The following IFFO1 variants were observed in gnomAD, a reference collection of about 807,000 sequenced individuals.
IFFO1 encodes intermediate filament family orphan 1.
In IFFO1, 42 loss-of-function variants were observed where a neutral mutation model predicts 59.6. The ratio of observed to expected loss-of-function variants is 0.70; its 90% CI spans 0.55 to 0.91. The LOEUF (loss-of-function observed/expected upper bound fraction) is 0.91, where lower values mean the gene tolerates loss of function less well. Among genes scored for constraint, IFFO1 ranks in the 40% least tolerant of loss-of-function variants. IFFO1 has a pLI of 0.00. For missense variants in IFFO1, 711 were observed against 793.2 expected, an observed-to-expected ratio of 0.90 and a Z score of 1.24; for synonymous variants, 336 against 342.8, an observed-to-expected ratio of 0.98 and a Z score of 0.22.
At chr12:6,552,601 G>A (rs967176562) in intron 1 of IFFO1, among the ~76,000 whole-genome samples, 1 of 152,230 alleles carries the variant, frequency 6.6e-6, no homozygotes, top group African/African-American at 2.4e-5. Flanking sequence ...CGAGTCCCTG[G>A]AGGGAGACAG....
chr12:6,543,336 G>T (rs1430592715), intron 8 of IFFO1, among the ~76,000 whole-genome samples: 1 of 152,204 alleles, frequency 6.6e-6, no homozygotes, highest in African/African-American at 2.4e-5. Flanking sequence ...CCAAATAGCA[G>T]GAGGTGAGCA....
chr12:6,548,212 A>G lies in IFFO1; in HGVS notation c.1384-52T>C. The G allele has an allele frequency of 6.7e-7, 1 of 1,487,098 alleles. No homozygotes were observed. The highest frequency in any genetic ancestry group is 9.4e-7 in the Non-Finnish European group (1 of 1,064,766). 92.1% of individuals were successfully genotyped at this position (1,487,098 alleles called of 1,614,324 possible). A position where few individuals can be genotyped will look rare whatever the true frequency, so the allele number is the denominator to read the frequency against. ...GCCAGCCAAGGAGGGATGGGATGGG[A>G]CGCATTCCAAAGGGCCAAGTCAGGG... On this transcript the variant is annotated intron_variant, in intron 7 of 9. Coordinates refer to ENST00000619571, the MANE Select transcript of IFFO1 (RefSeq NM_001193457.2). The surrounding 1 kb of genome is among the most constrained non-coding windows in gnomAD (Gnocchi z 6.1).
chr12:6,541,706 C>T lies in IFFO1; in HGVS notation c.1480-64G>A. ...GGCGTTCACAGCGCCTCTGTTGCCC[C>T]CGCCAGGAGGCCAACACGCCAAGAG... On this transcript the variant is annotated intron_variant, in intron 8 of 9. Transcript: ENST00000619571. This position sits in a 1 kb window ranked among gnomAD's most constrained non-coding sequence, Gnocchi z 4.8. 6.2e-7 allele frequency: 1 copy of T among 1,601,500 alleles called. No homozygotes were observed. Among genetic ancestry groups the T allele is most frequent in the Non-Finnish European group, 8.5e-7 (1 of 1,174,176 alleles).
At chr12:6,540,704 G>A in intron 9 of IFFO1, 116 bp from the exon 10 acceptor site, 1 of 899,360 alleles carries the variant, frequency 1.1e-6, no homozygotes, top group Non-Finnish European at 1.7e-6. Flanking sequence ...CGGAAGCGAG[G>A]GCGGGGCCGC....
intron 8 of IFFO1, among the ~76,000 whole-genome samples, chr12:6,546,154 A>G (rs908022580): frequency 6.6e-6 from 1 of 152,234 alleles, no homozygotes; most frequent in Non-Finnish European, 1.5e-5. Flanking sequence ...TAGAAAAGGC[A>G]TTGAATGTGT....
In IFFO1 at chr12:6,555,325, C is replaced by T; in HGVS notation, c.705G>A (p.Thr235=). 2 of 1,614,176 alleles carry T rather than the reference C, an allele frequency of 1.2e-6. No individual in the cohort carries two copies. Among genetic ancestry groups the T allele is most frequent in the Non-Finnish European group, 1.7e-6 (2 of 1,180,028 alleles). The change falls in exon 1 of 10, where the codon ACG becomes ACA. Residue 235 remains threonine (T), a synonymous_variant. Transcript: ENST00000619571. This position sits in a 1 kb window ranked among gnomAD's most constrained non-coding sequence, Gnocchi z 8.6. ...DGVGVQIDTI[T]PEIRALYNVL... Reference sequence around the variant, plus strand: ...CGTTGTAGAGAGCGCGGATCTCGGGCGTGATGGTGTCGATCTGGACGCCCA... The same window carrying T: ...CGTTGTAGAGAGCGCGGATCTCGGGTGTGATGGTGTCGATCTGGACGCCCA...
intron 3 of IFFO1, 113 bp from the exon 4 acceptor site, chr12:6,550,009 G>T: frequency 1.7e-6 from 2 of 1,192,612 alleles, no homozygotes; most frequent in Non-Finnish European, 2.3e-6. Flanking sequence ...TGCCTCTTCT[G>T]TGGAGTCTCC....
intron 8 of IFFO1, among the ~76,000 whole-genome samples, chr12:6,542,321 A>G (rs1946754737): frequency 6.6e-6 from 1 of 152,206 alleles, no homozygotes; most frequent in Non-Finnish European, 1.5e-5. Flanking sequence ...CTCAGAATCA[A>G]AGAAATCCGG....
At position 6,548,127 on chromosome 12, in the gene IFFO1, C is replaced by T; in HGVS notation, c.1417G>A (p.Asp473Asn). 6.8e-6 allele frequency: 11 copies of T among 1,614,122 alleles called. No individual in the cohort carries two copies. The highest frequency in any genetic ancestry group is 8.5e-6 in the Non-Finnish European group (10 of 1,179,988). ...CGGGTTTTGAACAGGGACTCCGTATCTTTAATCACCTTCTCCAGGCTATCT... is the reference window on the plus strand; with the variant it reads ...CGGGTTTTGAACAGGGACTCCGTATTTTTAATCACCTTCTCCAGGCTATCT... ...QEDSLEKVIK[D>N]TESLFKTREK... is the part of the protein sequence containing the mutation. Residue 473 changes from aspartate (D) to asparagine (N), a missense_variant, in exon 8 of 10, where the codon GAT (aspartate) becomes AAT (asparagine). Around this residue, in one of 3 missense-constraint regions of IFFO1, gnomAD observed 579 missense variants for 650.3 expected, o/e 0.89. Transcript: ENST00000619571. The surrounding 1 kb of genome is among the most constrained non-coding windows in gnomAD (Gnocchi z 6.1).
chr12:6,541,689 C>T lies in IFFO1; in HGVS notation c.1480-47G>A. On this transcript the variant is annotated intron_variant, in intron 8 of 9. Transcript: ENST00000619571. The surrounding 1 kb of genome is among the most constrained non-coding windows in gnomAD (Gnocchi z 4.8). Reference sequence around the variant, plus strand: ...CATCGGGGTTAACAGGTGGCGTTCACAGCGCCTCTGTTGCCCCCGCCAGGA... The same window carrying T: ...CATCGGGGTTAACAGGTGGCGTTCATAGCGCCTCTGTTGCCCCCGCCAGGA... 1 of 1,609,990 alleles carries T rather than the reference C, an allele frequency of 6.2e-7. No individual in the cohort carries two copies. Among genetic ancestry groups the T allele is most frequent in the Non-Finnish European group, 8.5e-7 (1 of 1,178,838 alleles).
At chr12:6,550,483 T>A in intron 3 of IFFO1, 2 of 579,148 alleles carry the variant, frequency 3.5e-6, no homozygotes, top group Non-Finnish European at 3.1e-6. Flanking sequence ...CCCCAGGCCC[T>A]CAGAAGCTGC....
At position 6,549,613 on chromosome 12, in the gene IFFO1, C is replaced by A. The variant is rs1177031066; in HGVS notation, c.1072-129G>T. 5 of 1,355,552 alleles carry A rather than the reference C, an allele frequency of 3.7e-6. No individual in the cohort carries two copies. In the East Asian group the frequency reaches 7.0e-5, roughly 19 times the overall value. 84.0% of individuals were successfully genotyped at this position (1,355,552 alleles called of 1,614,324 possible). ...TGCCCCTCCTGATGCTGCTCCTTAC[C>A]CCCCAGTCTAGCCCCGTGAGGGCCC... On this transcript the variant is annotated intron_variant, in intron 4 of 9. Transcript: ENST00000619571. This position sits in a 1 kb window ranked among gnomAD's most constrained non-coding sequence, Gnocchi z 5.0.
At position 6,555,490 on chromosome 12, in the gene IFFO1, G is replaced by A. The variant is rs755819516; in HGVS notation, c.540C>T (p.Ser180=). ...CCGACGAGGAATAGGTGGTGGAGGT[G>A]GAGGTGGAGGACGACGAGAGGCTGG... ...SAASLSSSST[S]TSTTYSSSAR... is the part of the protein sequence containing the mutation. The change falls in exon 1 of 10, where the codon TCC becomes TCT. Residue 180 remains serine, a synonymous_variant. Transcript: ENST00000619571. The surrounding 1 kb of genome is among the most constrained non-coding windows in gnomAD (Gnocchi z 8.6). The A allele has an allele frequency of 6.2e-7, 1 of 1,607,144 alleles. No homozygotes were observed. The highest frequency in any genetic ancestry group is 1.1e-5 in the South Asian group (1 of 90,346).
rs762929628 is a variant in IFFO1, at chr12:6,541,537, G to A, written c.1585C>T (p.Arg529Trp). 35 of 1,614,044 alleles carry A rather than the reference G, an allele frequency of 2.2e-5. No individual in the cohort carries two copies. The highest frequency in any genetic ancestry group is 2.5e-5 in the Non-Finnish European group (29 of 1,180,030). ...CGGTCTCCAGACTGGGTGATGAGCCGGCGGCAGGTCTCCATCTGCACGTCC... is the reference window on the plus strand; with the variant it reads ...CGGTCTCCAGACTGGGTGATGAGCCAGCGGCAGGTCTCCATCTGCACGTCC... ...GLDVQMETCR[R>W]LITQSGDRKS... Residue 529 changes from arginine (R) to tryptophan (W), a missense_variant, in exon 9 of 10, where the codon CGG becomes TGG. Physicochemically the swap from Arg to Trp is moderately radical, Grantham distance 101. This residue lies in a region of IFFO1 where 579 missense variants were observed against 650.3 expected (regional missense o/e 0.89). Transcript: ENST00000619571. This position sits in a 1 kb window ranked among gnomAD's most constrained non-coding sequence, Gnocchi z 4.8.
chr12:6,546,408 G>A (rs1435434331), intron 8 of IFFO1, among the ~76,000 whole-genome samples: 1 of 152,250 alleles, frequency 6.6e-6, no homozygotes, highest in Admixed American at 6.5e-5. Context: ...CAGGCCAGGA[G>A]AGCTCACGGG....
chr12:6,540,691 T>C (rs916638311), intron 9 of IFFO1, 103 bp from the exon 10 acceptor site: 9 of 1,024,952 alleles, frequency 8.8e-6, no homozygotes, highest in Admixed American at 2.1e-5. Context: ...CCGTGAGAAG[T>C]ACCGGAAGCG....
At position 6,549,574 on chromosome 12, in the gene IFFO1, G is replaced by C; in HGVS notation, c.1072-90C>G. On this transcript the variant is annotated intron_variant, in intron 4 of 9. Transcript: ENST00000619571. This position sits in a 1 kb window ranked among gnomAD's most constrained non-coding sequence, Gnocchi z 5.0. ...GGGGGAAGGGAGAGACGGCGTTAGA[G>C]ACAGCTTCCACGATGCCCCTCCTGA... 1.5e-6 allele frequency: 2 copies of C among 1,353,202 alleles called. No homozygotes were observed. The highest frequency in any genetic ancestry group is 2.4e-5 in the South Asian group (2 of 84,702). The allele number at this position is 1,353,202 out of a possible 1,614,324, so 83.8% of individuals were successfully genotyped here.
At position 6,555,871 on chromosome 12, in the gene IFFO1, C is replaced by A. The variant is rs1443051952; in HGVS notation, c.159G>T (p.Pro53=). The change falls in exon 1 of 10, where the codon CCG becomes CCT. Residue 53 remains proline, a synonymous_variant. Coordinates refer to ENST00000619571, the MANE Select transcript of IFFO1 (RefSeq NM_001193457.2). The surrounding 1 kb of genome is among the most constrained non-coding windows in gnomAD (Gnocchi z 8.6). ...LSPAGPAAYS[P]PGPGPAPPAA... ...CAGGCGGGGCCGGGCCCGGCCCGGG[C>A]GGCGAGTAGGCAGCAGGGCCGGCCG... 3 of 1,605,254 alleles carry A rather than the reference C, an allele frequency of 1.9e-6. No individual in the cohort carries two copies. The highest frequency in any genetic ancestry group is 2.5e-6 in the Non-Finnish European group (3 of 1,177,712).
rs1947064719 is a variant in IFFO1 at position 6,548,341 on chromosome 12, A to G, written c.1383+84T>C. On this transcript the variant is annotated intron_variant, in intron 7 of 9. Transcript: ENST00000619571. This position sits in a 1 kb window ranked among gnomAD's most constrained non-coding sequence, Gnocchi z 6.1. ...TAGAGGATGACAGCCACATGGGGGG[A>G]CAGAGCAAGGAGAGGAGCGGGGGAG... 3 of 1,493,748 alleles carry G rather than the reference A, an allele frequency of 2.0e-6. No homozygotes were observed. Among genetic ancestry groups the G allele is most frequent in the Admixed American group, 3.7e-5 (2 of 54,444 alleles). The allele number at this position is 1,493,748 out of a possible 1,614,324, so 92.5% of individuals were successfully genotyped here.
Sources: allele counts gnomAD v4.1 joint callset (sites outside exome capture counted in the v4.1 genomes callset), GRCh38; gene constraint gnomAD v4.1.1; regional missense constraint gnomAD v4.1.1; non-coding constraint Gnocchi (gnomAD v3.1); transcripts MANE v1.5; gene names NCBI Gene and HGNC (gene_info 2026-07-23, HGNC 2026-07-21).